Variants in HHAT observed in about 807,000 individuals in gnomAD.
The protein encoded by HHAT is hedgehog acyltransferase.
HHAT carries 47 observed loss-of-function variants against 70.8 expected under a neutral mutation model. The observed-to-expected ratio is 0.66, with a 90% CI of 0.53 to 0.85. The LOEUF (loss-of-function observed/expected upper bound fraction) is 0.85, where lower values mean the gene tolerates loss of function less well. Among genes scored for constraint, HHAT ranks in the 40% least tolerant of loss-of-function variants. The pLI is 0.00. For missense variants in HHAT, 609 were observed against 604.8 expected (o/e 1.01, Z -0.07); for synonymous variants, 228 against 247.6 (o/e 0.92, Z 0.74).
At chr1:210,411,188 T>A (rs1334783230) in intron 6 of HHAT, among the ~76,000 whole-genome samples, 1 of 152,186 alleles carries the variant, frequency 6.6e-6, no homozygotes, top group Admixed American at 6.5e-5. Context: ...GGCTGTTGGT[T>A]CTGGCCTCCT....
chr1:210,434,836 T>C (rs1461442960), intron 7 of HHAT, among the ~76,000 whole-genome samples: 1 of 151,964 alleles, frequency 6.6e-6, no homozygotes, highest in Non-Finnish European at 1.5e-5. Context: ...GAGCTAATTT[T>C]TATGTTTTTC....
chr1:210,352,649 T>A (rs1053928987), intron 2 of HHAT, among the ~76,000 whole-genome samples: 5 of 152,008 alleles, frequency 3.3e-5, no homozygotes, highest in African/African-American at 1.2e-4. Flanking sequence ...AGTAGTGGGG[T>A]TGTCACGTGG....
intron 8 of HHAT, among the ~76,000 whole-genome samples, chr1:210,485,179 C>T (rs2094456127): frequency 6.6e-6 from 1 of 152,090 alleles, no homozygotes; most frequent in Non-Finnish European, 1.5e-5. Context: ...CCCCTTCCCC[C>T]ATGCAGGAGT....
rs188313361 is a variant in HHAT, at chr1:210,613,260, G to C, written c.1246-10266G>C. Reference sequence around the variant, plus strand: ...TTTTAGTTCATCTTTTTAGATACTTGAACCCTTTTGAGTTAATTTTTGTGT... The same window carrying C: ...TTTTAGTTCATCTTTTTAGATACTTCAACCCTTTTGAGTTAATTTTTGTGT... On this transcript the variant is annotated intron_variant, in intron 10 of 11. Coordinates refer to ENST00000261458, the MANE Select transcript of HHAT (RefSeq NM_018194.6). 7.8e-4 allele frequency among the ~76,000 whole-genome samples: 118 copies of C among 152,128 alleles called. No homozygotes were observed. The Middle Eastern group carries it at 0.01, about 13-fold the overall frequency.
At chr1:210,600,968 G>A (rs1664128067) in intron 10 of HHAT, among the ~76,000 whole-genome samples, 1 of 151,952 alleles carries the variant, frequency 6.6e-6, no homozygotes, top group African/African-American at 2.4e-5. Flanking sequence ...GTGTCCTGCT[G>A]AGCTGATTTA....
At chr1:210,418,522 G>A (rs1319197543) in intron 7 of HHAT, among the ~76,000 whole-genome samples, 197 bp downstream of exon 7, 2 of 152,148 alleles carry the variant, frequency 1.3e-5, no homozygotes, top group Non-Finnish European at 2.9e-5. Flanking sequence ...GGAAGTGAGG[G>A]CTGTGCTTGT....
At chr1:210,353,265 C>A (rs2087233477) in intron 2 of HHAT, among the ~76,000 whole-genome samples, 1 of 152,080 alleles carries the variant, frequency 6.6e-6, no homozygotes, top group South Asian at 2.1e-4. Context: ...TGTGAAAATG[C>A]AATGTACCAT....
intron 7 of HHAT, among the ~76,000 whole-genome samples, chr1:210,428,345 T>A (rs943568603): frequency 8.9e-6 from 1 of 112,658 alleles, no homozygotes; most frequent in Non-Finnish European, 1.8e-5. Flanking sequence ...TATATATATA[T>A]AATTTTGTAG....
At chr1:210,477,133 T>G (rs1329590667) in intron 8 of HHAT, among the ~76,000 whole-genome samples, 1 of 152,036 alleles carries the variant, frequency 6.6e-6, no homozygotes, top group East Asian at 1.9e-4. Context: ...GACAACAAAC[T>G]TGTTGACCAG....
At chr1:210,429,209 C>T (rs892539106) in intron 7 of HHAT, among the ~76,000 whole-genome samples, 4 of 151,672 alleles carry the variant, frequency 2.6e-5, no homozygotes, top group Middle Eastern at 3.2e-3. Context: ...TTAATTTTTG[C>T]CCCCGAGTAA....
At chr1:210,674,048 C>T (rs538755092) in intron 11 of HHAT, among the ~76,000 whole-genome samples, 10 of 150,838 alleles carry the variant, frequency 6.6e-5, no homozygotes, top group East Asian at 5.9e-4. Context: ...CATGCTGGTG[C>T]GCTGCACCCA....
intron 1 of HHAT, among the ~76,000 whole-genome samples, chr1:210,334,197 T>TTTTTTTTTTTTTTTTTG (rs2085271404): frequency 6.8e-6 from 1 of 146,868 alleles, no homozygotes. Flanking sequence ...TTTTTTTTTT[T>TTTTTTTTTTTTTTTTTG]TGAGAAAGGG....
intron 9 of HHAT, among the ~76,000 whole-genome samples, chr1:210,577,652 T>TC (rs1369913300): frequency 2.3e-5 from 3 of 128,094 alleles, no homozygotes; most frequent in African/African-American, 9.8e-5. Flanking sequence ...TTTTTTTTTT[T>TC]TTTTTTTTTT....
At chr1:210,587,210 A>C (rs1660649634) in intron 9 of HHAT, among the ~76,000 whole-genome samples, 1 of 152,244 alleles carries the variant, frequency 6.6e-6, no homozygotes, top group African/African-American at 2.4e-5. Flanking sequence ...GGTAATTTAT[A>C]AAGAAAAAAC....
intron 10 of HHAT, among the ~76,000 whole-genome samples, chr1:210,620,239 C>G (rs1313714222): frequency 6.6e-6 from 1 of 152,230 alleles, no homozygotes; most frequent in East Asian, 1.9e-4. Flanking sequence ...AATATACCCT[C>G]TAATTTTGTC....
At chr1:210,499,464 C>A (rs1032614639) in intron 8 of HHAT, among the ~76,000 whole-genome samples, 6 of 152,112 alleles carry the variant, frequency 3.9e-5, no homozygotes, top group Admixed American at 3.9e-4. Context: ...TGGTGAAACC[C>A]CATCTCTACT....
chr1:210,423,690 A>G (rs188904922), intron 7 of HHAT, among the ~76,000 whole-genome samples: 1 of 152,254 alleles, frequency 6.6e-6, no homozygotes, highest in Non-Finnish European at 1.5e-5. Context: ...TGCTTCAGGT[A>G]TACACATAGG....
chr1:210,552,944 G>A (rs533692834), intron 9 of HHAT, among the ~76,000 whole-genome samples: 18 of 152,310 alleles, frequency 1.2e-4, no homozygotes, highest in Non-Finnish European at 2.5e-4. Context: ...GTGAGGTCAG[G>A]GAGCAGGTCT....
intron 7 of HHAT, among the ~76,000 whole-genome samples, chr1:210,418,938 CAGG>C (rs1409570965): frequency 2.0e-5 from 3 of 152,064 alleles, no homozygotes; most frequent in Non-Finnish European, 4.4e-5. Flanking sequence ...GAGGCTGAGG[CAGG>C]AGAATCACTT....
Sources: allele counts gnomAD v4.1 joint callset (sites outside exome capture counted in the v4.1 genomes callset), GRCh38; gene constraint gnomAD v4.1.1; transcripts MANE v1.5; gene names NCBI Gene and HGNC (gene_info 2026-07-23, HGNC 2026-07-21).